The following LHFPL3 variants were observed in gnomAD, a reference collection of about 807,000 sequenced individuals.
LHFPL3 encodes LHFPL tetraspan subfamily member 3.
LHFPL3 carries 5 observed loss-of-function variants against 19.3 expected under a neutral mutation model. The observed-to-expected ratio is 0.26, with a 90% CI of 0.14 to 0.54. The LOEUF is 0.54. LHFPL3 is among the 20% of genes least tolerant of loss of function. LHFPL3 has a pLI of 0.94. For missense variants in LHFPL3, 249 were observed against 307.4 expected (o/e 0.81, Z 1.42); for synonymous variants, 133 against 126.2 (o/e 1.05, Z -0.36).
At chr7:104,414,845 G>A (rs919128861) in intron 1 of LHFPL3, among the ~76,000 whole-genome samples, 9 of 152,122 alleles carry the variant, frequency 5.9e-5, no homozygotes, top group African/African-American at 1.9e-4. Context: ...AGATTATGTT[G>A]CCATCTAAAA....
chr7:104,478,045 A>C (rs1194800680), intron 1 of LHFPL3, among the ~76,000 whole-genome samples: 2 of 152,254 alleles, frequency 1.3e-5, no homozygotes, highest in Non-Finnish European at 2.9e-5. Context: ...AACAATAAGC[A>C]TTAAAATGTT....
intron 2 of LHFPL3, among the ~76,000 whole-genome samples, chr7:104,878,303 C>G (rs1205585206): frequency 6.6e-6 from 1 of 151,772 alleles, no homozygotes; most frequent in African/African-American, 2.4e-5. Flanking sequence ...TTGTGGCAAC[C>G]CTGTTTTGTG....
chr7:104,382,985 A>T (rs1466781022), intron 1 of LHFPL3, among the ~76,000 whole-genome samples: 2 of 104,596 alleles, frequency 1.9e-5, no homozygotes, highest in East Asian at 5.2e-4. Flanking sequence ...ATTTGCCCCC[A>T]TTTGCAGATG....
intron 1 of LHFPL3, among the ~76,000 whole-genome samples, chr7:104,467,237 C>G (rs1298068491): frequency 3.9e-5 from 6 of 152,118 alleles, no homozygotes; most frequent in Non-Finnish European, 8.8e-5. Context: ...CTCTACCTAT[C>G]TCACATGTTT....
intron 1 of LHFPL3, among the ~76,000 whole-genome samples, chr7:104,544,125 C>G (rs1014973523): frequency 3.7e-4 from 56 of 151,442 alleles, no homozygotes; most frequent in African/African-American, 1.3e-3. Flanking sequence ...TTCTAACTAA[C>G]CTAGGTGCTA....
chr7:104,609,955 G>A (rs1180291017), intron 1 of LHFPL3, among the ~76,000 whole-genome samples: 2 of 152,138 alleles, frequency 1.3e-5, no homozygotes, highest in African/African-American at 4.8e-5. Flanking sequence ...AAAACTACCA[G>A]AAATTATGTT....
intron 1 of LHFPL3, among the ~76,000 whole-genome samples, chr7:104,524,173 G>A (rs1281668107): frequency 6.6e-6 from 1 of 152,168 alleles, no homozygotes; most frequent in African/African-American, 2.4e-5. Context: ...TAGGAATGGT[G>A]AGAGAAGTTA....
intron 2 of LHFPL3, among the ~76,000 whole-genome samples, chr7:104,834,200 A>G (rs984712882): frequency 3.3e-5 from 5 of 151,498 alleles, no homozygotes; most frequent in African/African-American, 7.3e-5. Flanking sequence ...TCCTTTGGCA[A>G]TACCCTCACA....
intron 1 of LHFPL3, among the ~76,000 whole-genome samples, chr7:104,641,578 T>C (rs1791834868): frequency 6.6e-6 from 1 of 152,194 alleles, no homozygotes; most frequent in African/African-American, 2.4e-5. Context: ...CACTTCCCTT[T>C]CTTGGAAGTT....
At chr7:104,805,044 G>A (rs1790329448) in intron 2 of LHFPL3, among the ~76,000 whole-genome samples, 1 of 152,204 alleles carries the variant, frequency 6.6e-6, no homozygotes, top group African/African-American at 2.4e-5. Flanking sequence ...CCAATCTGGA[G>A]CAGCCAGAGG....
rs1584611323 is a variant in LHFPL3, at chr7:104,907,427, G to T, written c.*1212G>T. ...TTCAAAAATACTCAGATTCATTTTAGTTGGCTGACATCTGGAAGTAGTTAA... is the reference window on the plus strand; with the variant it reads ...TTCAAAAATACTCAGATTCATTTTATTTGGCTGACATCTGGAAGTAGTTAA... On this transcript the variant is annotated 3_prime_UTR_variant, in exon 3 of 3. Transcript: ENST00000424859. Among the ~76,000 whole-genome samples, 3 of 152,038 alleles carry T rather than the reference G, an allele frequency of 2.0e-5. No homozygotes were observed. Among genetic ancestry groups the T allele is most frequent in the South Asian group, 4.1e-4 (2 of 4,822 alleles).
intron 2 of LHFPL3, among the ~76,000 whole-genome samples, chr7:104,759,418 T>A (rs1251070509): frequency 6.6e-6 from 1 of 152,162 alleles, no homozygotes; most frequent in Non-Finnish European, 1.5e-5. Flanking sequence ...TTTAACCCAA[T>A]ATACCCAAAC....
chr7:104,365,801 A>AAAAAAAG (rs893610992), intron 1 of LHFPL3, among the ~76,000 whole-genome samples: 147 of 142,066 alleles, frequency 1.0e-3, no homozygotes, highest in Middle Eastern at 3.9e-3. Context: ...AAAAAAAAAA[A>AAAAAAAG]AAAAGAAAAG....
chr7:104,705,643 C>G (rs968643863), intron 1 of LHFPL3, among the ~76,000 whole-genome samples: 1 of 152,078 alleles, frequency 6.6e-6, no homozygotes, highest in African/African-American at 2.4e-5. Context: ...AGTTTAGTTA[C>G]CTTTAGCACC....
intron 1 of LHFPL3, among the ~76,000 whole-genome samples, chr7:104,428,801 T>C (rs1186433548): frequency 6.6e-6 from 1 of 152,238 alleles, no homozygotes; most frequent in Non-Finnish European, 1.5e-5. Flanking sequence ...CTAGATTTAA[T>C]ATGATATCAG....
At chr7:104,812,338 T>C (rs1310838799) in intron 2 of LHFPL3, among the ~76,000 whole-genome samples, 1 of 152,140 alleles carries the variant, frequency 6.6e-6, no homozygotes, top group African/African-American at 2.4e-5. Context: ...GGAATAGTCA[T>C]GCAATGGAAA....
rs1339813639 is a variant in LHFPL3 at position 104,411,556 on chromosome 7, A to T, written c.445+82332A>T. ...TTCCTCCTAAAATCACCCATCATAG[A>T]TCTGATTAAAACTTAGAAGTAGCAG... On this transcript the variant is annotated intron_variant, in intron 1 of 2. Coordinates refer to ENST00000424859, the MANE Select transcript of LHFPL3 (RefSeq NM_199000.3). 3.3e-5 allele frequency among the ~76,000 whole-genome samples: 5 copies of T among 152,174 alleles called. No individual in the cohort carries two copies. In the East Asian group the frequency reaches 9.6e-4, roughly 29 times the overall value.
At chr7:104,873,968 G>A (rs1791885269) in intron 2 of LHFPL3, among the ~76,000 whole-genome samples, 2 of 152,228 alleles carry the variant, frequency 1.3e-5, no homozygotes, top group African/African-American at 4.8e-5. Context: ...GGCTGGTAGT[G>A]AAGTAGGCAT....
chr7:104,579,899 C>T (rs1321110395), intron 1 of LHFPL3, among the ~76,000 whole-genome samples: 2 of 152,112 alleles, frequency 1.3e-5, no homozygotes, highest in Non-Finnish European at 2.9e-5. Context: ...GCTCCCATGG[C>T]ATGTTATAGC....
Sources: gnomAD v4.1 joint callset for allele counts (sites outside exome capture counted in the v4.1 genomes callset) on GRCh38, gnomAD v4.1.1 for gene constraint, MANE v1.5 for transcripts, NCBI Gene and HGNC (gene_info 2026-07-23, HGNC 2026-07-21) for gene names.